TCHP: variants seen among roughly 807,000 people sequenced by gnomAD.
TCHP encodes the protein trichoplein keratin filament-binding protein.
Under a neutral mutation model 88.7 loss-of-function variants are expected in TCHP, and 81 were observed. The observed-to-expected ratio is 0.91, with a 90% CI of 0.76 to 1.10. TCHP has a LOEUF of 1.10. Ranked by LOEUF, TCHP falls within the 50% of genes least tolerant of loss-of-function variation. TCHP has a pLI of 0.00. For synonymous variants in TCHP, 232 were observed against 232.5 expected, an observed-to-expected ratio of 1.00 and a Z score of 0.02; for missense variants, 641 against 632.1, an observed-to-expected ratio of 1.01 and a Z score of -0.15.
chr12:109,912,840 C>T (rs1488032776), intron 9 of TCHP, 151 bp from the exon 10 acceptor site: 4 of 660,180 alleles, frequency 6.1e-6, no homozygotes, highest in Non-Finnish European at 1.1e-5. Flanking sequence ...TGGATGCTGT[C>T]CTTAATTGTA....
chr12:109,902,946 A>G, intron 1 of TCHP, 81 bp from the exon 2 acceptor site: 1 of 1,184,186 alleles, frequency 8.4e-7, no homozygotes, highest in Non-Finnish European at 1.2e-6. Flanking sequence ...GGTGGTGACC[A>G]CTCGTTAAAG....
chr12:109,915,945 C>G (rs936436521), intron 12 of TCHP, among the ~76,000 whole-genome samples: 4 of 152,170 alleles, frequency 2.6e-5, no homozygotes, highest in African/African-American at 7.2e-5. Flanking sequence ...CCCTCCCTCC[C>G]TCCTGTGGGT....
At chr12:109,907,056 ATT>A (rs1870174887) in intron 5 of TCHP, among the ~76,000 whole-genome samples, 1 of 152,032 alleles carries the variant, frequency 6.6e-6, no homozygotes, top group Non-Finnish European at 1.5e-5. Flanking sequence ...CGCCCAGCTA[ATT>A]TTTTAATTTT....
intron 12 of TCHP, among the ~76,000 whole-genome samples, chr12:109,916,305 G>A (rs1870814116): frequency 6.6e-6 from 1 of 152,224 alleles, no homozygotes; most frequent in Non-Finnish European, 1.5e-5. Flanking sequence ...AACACTGACT[G>A]TCACAGTCAC....
At chr12:109,889,967 C>T in the TCHP span, among the ~76,000 whole-genome samples, 1 of 152,190 alleles carries the variant, frequency 6.6e-6, no homozygotes, top group Non-Finnish European at 1.5e-5. Flanking sequence ...CGAAGGCGCA[C>T]CCGCCAACAG....
At chr12:109,912,619 T>C (rs1488905690) in intron 9 of TCHP, among the ~76,000 whole-genome samples, 1 of 152,084 alleles carries the variant, frequency 6.6e-6, no homozygotes, top group Non-Finnish European at 1.5e-5. Flanking sequence ...GGTGAAACCC[T>C]GTCTCTACTA....
chr12:109,904,543 T>C (rs1359360511), intron 3 of TCHP, among the ~76,000 whole-genome samples, 194 bp from the exon 4 acceptor site: 1 of 152,312 alleles, frequency 6.6e-6, no homozygotes, highest in East Asian at 1.9e-4. Flanking sequence ...TTTGTCATCA[T>C]TGCAAGAGTC....
chr12:109,903,258 T>G lies in TCHP; in HGVS notation c.188+44T>G, dbSNP rs758455534. On this transcript the variant is annotated intron_variant, in intron 2 of 12. Transcript: ENST00000405876. The surrounding 1 kb of genome is among the most constrained non-coding windows in gnomAD (Gnocchi z 4.6). ...CCGATTGGATGGAAGTGGGGACCAC[T>G]TGCTGGTCAGGGGATGAGGCCTTAA... 1 of 1,568,848 alleles carries G rather than the reference T, an allele frequency of 6.4e-7. No homozygotes were observed. Among genetic ancestry groups the G allele is most frequent in the Non-Finnish European group, 8.7e-7 (1 of 1,147,638 alleles).
chr12:109,889,948 T>C, the TCHP span, among the ~76,000 whole-genome samples: 1 of 152,216 alleles, frequency 6.6e-6, no homozygotes, highest in Non-Finnish European at 1.5e-5. Context: ...CGCCTCTCCC[T>C]AATTAATGCG....
At position 109,915,465 on chromosome 12, in the gene TCHP, G is replaced by A; in HGVS notation, c.1383G>A (p.Glu461=). 1 of 1,614,072 alleles carries A rather than the reference G, an allele frequency of 6.2e-7. No individual in the cohort carries two copies. The highest frequency in any genetic ancestry group is 1.1e-5 in the South Asian group (1 of 91,086). ...AGCAGGAGGAGGAGGAAGAGGAGGAGGCCCGGCGGGTCGAGCAGCTCTCAG... is the reference window on the plus strand; with the variant it reads ...AGCAGGAGGAGGAGGAAGAGGAGGAAGCCCGGCGGGTCGAGCAGCTCTCAG... ...ADQQEEEEEE[E]ARRVEQLSDA... The change falls in exon 12 of 13, where the codon GAG becomes GAA. Residue 461 remains glutamate (E), a synonymous_variant. Transcript: ENST00000405876.
intron 12 of TCHP, 47 bp from the exon 13 acceptor site, chr12:109,916,544 C>A: frequency 1.3e-6 from 2 of 1,561,586 alleles, no homozygotes; most frequent in Non-Finnish European, 1.7e-6. Flanking sequence ...CCTCATGCTG[C>A]AGATACTGCT....
intron 5 of TCHP, 30 bp downstream of exon 5, chr12:109,906,670 G>A (rs200636916): frequency 7.0e-5 from 109 of 1,562,324 alleles, no homozygotes; most frequent in East Asian, 6.0e-4. Context: ...GAATAGCCGC[G>A]TATTCTGCTG....
upstream of TCHP, among the ~76,000 whole-genome samples, chr12:109,899,875 G>C (rs1869678133): frequency 6.6e-6 from 1 of 151,918 alleles, no homozygotes; most frequent in Non-Finnish European, 1.5e-5. Flanking sequence ...CATGGCTCAC[G>C]GCAGCCTCGA....
chr12:109,884,390 G>A, the TCHP span, among the ~76,000 whole-genome samples: 5 of 151,976 alleles, frequency 3.3e-5, no homozygotes, highest in Non-Finnish European at 7.4e-5. Context: ...GGATTTCACC[G>A]TGTTAGCCAG....
chr12:109,901,488 T>C (rs1190889695), intron 1 of TCHP, among the ~76,000 whole-genome samples: 2 of 152,160 alleles, frequency 1.3e-5, no homozygotes, highest in African/African-American at 4.8e-5. Flanking sequence ...AGGAGTTAAC[T>C]TGTGTAAGCA....
At position 109,916,681 on chromosome 12, in the gene TCHP, G is replaced by A. The variant is rs371507165; in HGVS notation, c.*58G>A. 5.1e-5 allele frequency: 80 copies of A among 1,575,270 alleles called. No individual in the cohort carries two copies. The highest frequency in any genetic ancestry group is 6.8e-5 in the Non-Finnish European group (79 of 1,154,114). On this transcript the variant is annotated 3_prime_UTR_variant, in exon 13 of 13. Transcript: ENST00000405876. ...GATGCTGAGGCTTCTGATCCCAGCC[G>A]CCAGGCAGTTTTACAGGGCTCTGTT... is the stretch of plus-strand genomic sequence containing the variant.
upstream of TCHP, among the ~76,000 whole-genome samples, chr12:109,896,643 C>T (rs578213514): frequency 1.3e-5 from 2 of 152,128 alleles, no homozygotes; most frequent in South Asian, 2.1e-4. Flanking sequence ...TGATTGAGGC[C>T]GGGCATGGTG....
At chr12:109,883,199 ATTTTTTT>A in the TCHP span, among the ~76,000 whole-genome samples, 3 of 127,726 alleles carry the variant, frequency 2.3e-5, no homozygotes, top group Non-Finnish European at 5.0e-5. Context: ...ATGCTACCCT[ATTTTTTT>A]TTTTTTTTTG....
In TCHP at chr12:109,903,970, G is replaced by C. The variant is rs1325842697; in HGVS notation, c.222G>C (p.Glu74Asp). Residue 74 changes from glutamate to aspartate, a missense_variant, in exon 3 of 13, where the codon GAG (glutamate) becomes GAC (aspartate). Coordinates refer to ENST00000405876, the MANE Select transcript of TCHP (RefSeq NM_001143852.2). This position sits in a 1 kb window ranked among gnomAD's most constrained non-coding sequence, Gnocchi z 4.6. ...CCTATCAGCGGGAGAAGATGAAGGA[G>C]GAGAAGAGGAGGAGTCTGGAGGCCC... ...MHAYQREKMK[E>D]EKRRSLEARR... 2 of 1,610,582 alleles carry C rather than the reference G, an allele frequency of 1.2e-6. No individual in the cohort carries two copies.
Sources: gnomAD v4.1 joint callset for allele counts (sites outside exome capture counted in the v4.1 genomes callset) on GRCh38, gnomAD v4.1.1 for gene constraint, Gnocchi (gnomAD v3.1) non-coding constraint, MANE v1.5 for transcripts, NCBI Gene and HGNC (gene_info 2026-07-23, HGNC 2026-07-21) for gene names.